DAAM2: variants seen among roughly 807,000 people sequenced by gnomAD.
The protein encoded by DAAM2 is dishevelled associated activator of morphogenesis 2.
In DAAM2, 39 loss-of-function variants were observed where a neutral mutation model predicts 120.7. The observed-to-expected ratio is 0.32, with a 90% CI of 0.25 to 0.42. The LOEUF (loss-of-function observed/expected upper bound fraction) is 0.42, where lower values mean the gene tolerates loss of function less well. DAAM2 is among the 10% of genes least tolerant of loss of function. The pLI is 1.00. For missense variants in DAAM2, 1,283 were observed against 1,401.7 expected, an observed-to-expected ratio of 0.92 and a Z score of 1.35; for synonymous variants, 488 against 524.9, an observed-to-expected ratio of 0.93 and a Z score of 0.96.
intron 2 of DAAM2, among the ~76,000 whole-genome samples, chr6:39,856,683 C>A (rs1461494217): frequency 2.0e-5 from 3 of 152,212 alleles, no homozygotes; most frequent in Non-Finnish European, 4.4e-5. Context: ...GAAGAATGGT[C>A]CTACCTCCTC....
chr6:39,896,900 C>T lies in DAAM2; in HGVS notation c.2430C>T (p.Asn810=), dbSNP rs1290549768. 6.2e-7 allele frequency: 1 copy of T among 1,613,802 alleles called. No individual in the cohort carries two copies. Residue 810 remains asparagine, a synonymous_variant, in exon 20 of 25, where the codon AAC becomes AAT. Transcript: ENST00000274867. ...TCCTAGCCATAGGCAACTTCATGAA[C>T]AAAGGGCAGCGTGGGGGCGCCTACG... ...EVILAIGNFM[N]KGQRGGAYGF...
At chr6:39,861,049 A>C in intron 3 of DAAM2, 32 bp downstream of exon 3, 1,995 of 1,535,024 alleles carry the variant, frequency 1.3e-3, no homozygotes, top group Non-Finnish European at 1.6e-3. Context: ...GCCACATCTC[A>C]GGGTTCATGG....
At chr6:39,896,683 C>A in intron 19 of DAAM2, 129 bp from the exon 20 acceptor site, 1 of 710,388 alleles carries the variant, frequency 1.4e-6, no homozygotes, top group Non-Finnish European at 2.1e-6. Context: ...ATAATCTCTG[C>A]CTCACTGAGA....
At chr6:39,850,485 A>AG (rs1198410780) in intron 1 of DAAM2, among the ~76,000 whole-genome samples, 1 of 152,170 alleles carries the variant, frequency 6.6e-6, no homozygotes, top group Admixed American at 6.5e-5. Context: ...CTTTTAGGAA[A>AG]GGGATCACAC....
intron 1 of DAAM2, among the ~76,000 whole-genome samples, chr6:39,846,622 C>T (rs1389269531): frequency 1.3e-5 from 2 of 152,072 alleles, no homozygotes; most frequent in East Asian, 3.9e-4. Context: ...TGGACTAGAA[C>T]CCCCGCTGGG....
intron 9 of DAAM2, among the ~76,000 whole-genome samples, chr6:39,872,770 G>C (rs1050218405): frequency 1.3e-5 from 2 of 152,092 alleles, no homozygotes; most frequent in Non-Finnish European, 2.9e-5. Context: ...TTGAACCCAG[G>C]TGGTGGACCT....
chr6:39,855,747 T>C (rs371796899), intron 1 of DAAM2, among the ~76,000 whole-genome samples: 95 of 152,218 alleles, frequency 6.2e-4, no homozygotes, highest in Non-Finnish European at 9.8e-4. Flanking sequence ...TGCCACATCA[T>C]TAGCTCAGTG....
chr6:39,876,730 C>CGTGT lies in DAAM2; in HGVS notation c.1301+1267_1301+1270dup, dbSNP rs1258242169. 2.4e-3 allele frequency among the ~76,000 whole-genome samples: 361 copies of CGTGT among 149,496 alleles called. 1 individual carries two copies. Among genetic ancestry groups the CGTGT allele is most frequent in the East Asian group, 0.013 (64 of 5,024 alleles). ...GGGTGTGTGTGTGTGTGTGTGTGTG[C>CGTGT]GTGTGTGTATGTGCATATGTGTGCA... On this transcript the variant is annotated intron_variant, in intron 11 of 24. Coordinates refer to ENST00000274867, the MANE Select transcript of DAAM2 (RefSeq NM_001201427.2).
Position 39,888,804 on chromosome 6 carries a change from G to A in DAAM2, c.2145+41G>A, listed in dbSNP as rs116225218. ...GGAAGGAAGGGGAACTGAACCCAGC[G>A]GGCAGCCACGCCCCTTCCCAACAGC... On this transcript the variant is annotated intron_variant, in intron 17 of 24. Transcript: ENST00000274867. 1.3e-3 allele frequency: 2,051 copies of A among 1,523,318 alleles called. 34 individuals are homozygous for A. In the African/African-American group the frequency reaches 0.025, roughly 18 times the overall value. 94.4% of individuals were successfully genotyped at this position (1,523,318 alleles called of 1,614,324 possible).
chr6:39,841,604 G>A (rs116592473), intron 1 of DAAM2, among the ~76,000 whole-genome samples: 4 of 152,136 alleles, frequency 2.6e-5, no homozygotes, highest in Non-Finnish European at 4.4e-5. Context: ...GTGACAGGAT[G>A]GAAAAAGGTG....
chr6:39,871,870 C>T (rs978053305), intron 9 of DAAM2, among the ~76,000 whole-genome samples: 2 of 152,304 alleles, frequency 1.3e-5, no homozygotes, highest in East Asian at 1.9e-4. Flanking sequence ...AACAGGGAAG[C>T]CAGTAGCATG....
In DAAM2 at chr6:39,896,903, A is replaced by C. The variant is rs1766129325; in HGVS notation, c.2433A>C (p.Lys811Asn). The C allele has an allele frequency of 6.2e-7, 1 of 1,613,808 alleles. No homozygotes were observed. Among genetic ancestry groups the C allele is most frequent in the East Asian group, 2.2e-5 (1 of 44,880 alleles). ...TAGCCATAGGCAACTTCATGAACAAAGGGCAGCGTGGGGGCGCCTACGGGT... is the reference window on the plus strand; with the variant it reads ...TAGCCATAGGCAACTTCATGAACAACGGGCAGCGTGGGGGCGCCTACGGGT... ...VILAIGNFMN[K>N]GQRGGAYGFR... The change falls in exon 20 of 25, where the codon AAA becomes AAC. Residue 811 changes from lysine to asparagine, a missense_variant. Lys to Asn is a moderately conservative substitution (Grantham distance 94). Around this residue, in one of 3 missense-constraint regions of DAAM2, gnomAD observed 748 missense variants for 768.6 expected, o/e 0.97. Transcript: ENST00000274867.
intron 1 of DAAM2, chr6:39,855,909 A>G: frequency 2.4e-6 from 1 of 414,380 alleles, no homozygotes; most frequent in Non-Finnish European, 3.2e-6. Flanking sequence ...CCGTCCACAC[A>G]TTTATGGAAA....
chr6:39,887,514 A>T lies in DAAM2; in HGVS notation c.1982A>T (p.Tyr661Phe), dbSNP rs781124489. The stretch of plus-strand genomic sequence containing the variant: ...GAGCTGGGCTCCACTGAAGACATCT[A>T]CCTGGCTTCCCGCAAGGTCAAAGAG... ...QKELGSTEDI[Y>F]LASRKVKELS... Residue 661 changes from tyrosine (Y) to phenylalanine (F), a missense_variant, in exon 16 of 25, where the codon TAC (tyrosine) becomes TTC (phenylalanine). Tyr to Phe is a conservative substitution (Grantham distance 22). Around this residue, in one of 3 missense-constraint regions of DAAM2, gnomAD observed 748 missense variants for 768.6 expected, o/e 0.97. Coordinates refer to ENST00000274867, the MANE Select transcript of DAAM2 (RefSeq NM_001201427.2). The T allele has an allele frequency of 1.9e-6, 3 of 1,613,670 alleles. No homozygotes were observed. Among genetic ancestry groups the T allele is most frequent in the Non-Finnish European group, 2.5e-6 (3 of 1,179,782 alleles).
At chr6:39,873,209 A>T (rs1417566160) in intron 9 of DAAM2, 29 bp from the exon 10 acceptor site, 4 of 1,447,976 alleles carry the variant, frequency 2.8e-6, no homozygotes, top group Non-Finnish European at 3.9e-6. Context: ...CTGCCTACCC[A>T]CTGATCACTG....
At chr6:39,888,180 C>G (rs1765488112) in intron 16 of DAAM2, 1 of 156,478 alleles carries the variant, frequency 6.4e-6, no homozygotes, top group Non-Finnish European at 1.4e-5. Context: ...TTCTCCCTCT[C>G]CCAGACAGCA....
At position 39,867,801 on chromosome 6, in the gene DAAM2, G is replaced by A. The variant is rs1225449186; in HGVS notation, c.720G>A (p.Met240Ile). 1.9e-6 allele frequency: 3 copies of A among 1,611,152 alleles called. No individual in the cohort carries two copies. The highest frequency in any genetic ancestry group is 1.1e-5 in the South Asian group (1 of 90,740). ...GCCACAAGAAGGTGCTGCAGGCCAT[G>A]CTGCACTACCAGGTGTATGCAGCAG... Reference protein sequence around the residue: ...PGGHKKVLQAMLHYQVYAAER... With the variant: ...PGGHKKVLQAILHYQVYAAER... Residue 240 changes from methionine to isoleucine, a missense_variant, in exon 6 of 25, where the codon ATG becomes ATA. Physicochemically the swap from Met to Ile is conservative, Grantham distance 10 (BLOSUM62 1). Around this residue, in one of 3 missense-constraint regions of DAAM2, gnomAD observed 338 missense variants for 443.9 expected, o/e 0.76. Transcript: ENST00000274867.
chr6:39,824,119 G>A lies in DAAM2; in HGVS notation c.-57+31654G>A, dbSNP rs191772177. Reference sequence around the variant, plus strand: ...TATTTCAGCTCTGGGGGCCTTCTGTGCTACACATTAGTAATTTGTTCCTAA... The same window carrying A: ...TATTTCAGCTCTGGGGGCCTTCTGTACTACACATTAGTAATTTGTTCCTAA... On this transcript the variant is annotated intron_variant, in intron 1 of 24. Coordinates refer to ENST00000274867, the MANE Select transcript of DAAM2 (RefSeq NM_001201427.2). Among the ~76,000 whole-genome samples the A allele has an allele frequency of 2.6e-3, 392 of 152,276 alleles. 3 individuals carry two copies. The highest frequency in any genetic ancestry group is 4.5e-3 in the Non-Finnish European group (308 of 68,014).
At chr6:39,862,822 AAAAAAAAAAAAAAAGATT>A (rs1764270177) in intron 3 of DAAM2, 1 of 150,424 alleles carries the variant, frequency 6.6e-6, no homozygotes, top group Admixed American at 6.6e-5. Context: ...AAAAAAAAAA[AAAAAAAAAAAAAAAGATT>A]TATTAAAATA....
Sources: gnomAD v4.1 joint callset for allele counts (sites outside exome capture counted in the v4.1 genomes callset) on GRCh38, gnomAD v4.1.1 for gene constraint, gnomAD v4.1.1 regional missense constraint, MANE v1.5 for transcripts, NCBI Gene and HGNC (gene_info 2026-07-23, HGNC 2026-07-21) for gene names.